The following CTNNA2 variants were observed in gnomAD, a reference collection of about 807,000 sequenced individuals.
The protein encoded by CTNNA2 is catenin alpha-2.
Under a neutral mutation model 101.0 loss-of-function variants are expected in CTNNA2, and 42 were observed. The observed-to-expected ratio is 0.42, with a 90% confidence interval of 0.32 to 0.54. The LOEUF (loss-of-function observed/expected upper bound fraction) is 0.54. CTNNA2 is among the 20% of genes least tolerant of loss of function. The pLI, the probability that CTNNA2 is intolerant of heterozygous loss-of-function variation, is 0.14. For missense variants in CTNNA2, 871 were observed against 1,223.1 expected, an observed-to-expected ratio of 0.71 and a Z score of 4.29; for synonymous variants, 450 against 456.4, an observed-to-expected ratio of 0.99 and a Z score of 0.18.
At chr2:80,175,463 T>G (rs1411581237) in intron 7 of CTNNA2, among the ~76,000 whole-genome samples, 1 of 152,190 alleles carries the variant, frequency 6.6e-6, no homozygotes, top group Non-Finnish European at 1.5e-5. Context: ...AATCTAAATA[T>G]TGGAATTCAT....
At chr2:80,335,627 TTGGCACCAGA>T (rs1440766249) in intron 7 of CTNNA2, among the ~76,000 whole-genome samples, 1 of 152,156 alleles carries the variant, frequency 6.6e-6, no homozygotes, top group African/African-American at 2.4e-5. Flanking sequence ...GCATCAGTAC[TTGGCACCAGA>T]TGAGAAGTTT....
intron 2 of CTNNA2, among the ~76,000 whole-genome samples, chr2:79,693,422 A>G (rs1684451540): frequency 1.3e-5 from 2 of 152,008 alleles, no homozygotes; most frequent in South Asian, 4.1e-4. Context: ...CATTTGCTTC[A>G]TGACATACCT....
At chr2:79,659,389 T>C (rs932530619) in intron 2 of CTNNA2, among the ~76,000 whole-genome samples, 2 of 152,134 alleles carry the variant, frequency 1.3e-5, no homozygotes, top group Non-Finnish European at 2.9e-5. Context: ...TCATGGTTTA[T>C]TCATGATATT....
intron 3 of CTNNA2, among the ~76,000 whole-genome samples, chr2:79,775,756 T>C (rs1673916960): frequency 6.6e-6 from 1 of 152,330 alleles, no homozygotes; most frequent in Non-Finnish European, 1.5e-5. Flanking sequence ...TTGAGTTTTT[T>C]GGTAGGTGTT....
intron 7 of CTNNA2, among the ~76,000 whole-genome samples, chr2:79,954,017 G>C (rs562537685): frequency 2.6e-5 from 4 of 152,250 alleles, no homozygotes; most frequent in South Asian, 2.1e-4. Flanking sequence ...AAAGGAAAGA[G>C]GTTTAGTTGA....
chr2:79,212,446 G>A (rs1043699635), intron 2 of CTNNA2, among the ~76,000 whole-genome samples: 9 of 152,164 alleles, frequency 5.9e-5, no homozygotes, highest in Non-Finnish European at 1.2e-4. Context: ...AAAGAAAGAG[G>A]TAAAAGTATT....
chr2:79,835,776 G>T (rs569368337), intron 3 of CTNNA2, among the ~76,000 whole-genome samples: 1 of 136,834 alleles, frequency 7.3e-6, no homozygotes, highest in East Asian at 2.5e-4. Context: ...GGGACTACAG[G>T]CATGTGCCAC....
intron 15 of CTNNA2, among the ~76,000 whole-genome samples, chr2:80,591,104 T>C (rs1384499061): frequency 6.6e-6 from 1 of 152,172 alleles, no homozygotes; most frequent in Admixed American, 6.5e-5. Context: ...TATAATTCTC[T>C]AGATTATATA....
intron 3 of CTNNA2, among the ~76,000 whole-genome samples, chr2:79,830,647 C>T (rs767825821): frequency 7.2e-5 from 11 of 152,118 alleles, no homozygotes; most frequent in Non-Finnish European, 1.3e-4. Context: ...TATGGCTTCT[C>T]GCCTGAGGTG....
chr2:79,385,837 T>G (rs1678094235), intron 4 of CTNNA2, among the ~76,000 whole-genome samples: 1 of 152,192 alleles, frequency 6.6e-6, no homozygotes, highest in Admixed American at 6.5e-5. Flanking sequence ...TCCAGCTTCA[T>G]CCATATCCCT....
intron 4 of CTNNA2, among the ~76,000 whole-genome samples, chr2:79,445,156 AT>A (rs1218173121): frequency 2.0e-5 from 3 of 152,090 alleles, no homozygotes; most frequent in African/African-American, 7.2e-5. Flanking sequence ...TTTTTGATAC[AT>A]TTTTTTCCTC....
chr2:79,930,005 G>A (rs1048376445), intron 7 of CTNNA2, among the ~76,000 whole-genome samples: 27 of 152,040 alleles, frequency 1.8e-4, no homozygotes, highest in African/African-American at 5.3e-4. Flanking sequence ...GAGAGGCTAA[G>A]GTGGACAGAT....
chr2:80,119,040 G>A (rs1276828324), intron 7 of CTNNA2, among the ~76,000 whole-genome samples: 3 of 152,226 alleles, frequency 2.0e-5, no homozygotes, highest in Admixed American at 1.3e-4. Flanking sequence ...TAGGATGGAA[G>A]CAATCAAATA....
chr2:80,384,618 AAG>A (rs1344436718), intron 7 of CTNNA2, among the ~76,000 whole-genome samples: 1 of 151,248 alleles, frequency 6.6e-6, no homozygotes, highest in African/African-American at 2.4e-5. Context: ...GTGTCATGGA[AAG>A]AGAGATTTGA....
chr2:80,553,357 T>C lies in CTNNA2; in HGVS notation c.1541-2336T>C, dbSNP rs912057478. Among the ~76,000 whole-genome samples the C allele has an allele frequency of 5.1e-4, 78 of 152,230 alleles. 1 individual carries two copies. The highest frequency in any genetic ancestry group is 1.3e-4 in the Admixed American group (2 of 15,284). On this transcript the variant is annotated intron_variant, in intron 11 of 18. Coordinates refer to ENST00000402739, the MANE Select transcript of CTNNA2 (RefSeq NM_001282597.3). ...TTTGAGTAATTAATAGCAATGTTTT[T>C]GTTATGGATTTCTAGCCTGTGCTGG...
At chr2:80,040,299 A>G (rs935834756) in intron 7 of CTNNA2, among the ~76,000 whole-genome samples, 2 of 152,194 alleles carry the variant, frequency 1.3e-5, no homozygotes, top group Admixed American at 1.3e-4. Context: ...ATTTTCCTGA[A>G]GTATTTTTTC....
chr2:79,365,526 T>C (rs1677726706), intron 3 of CTNNA2, among the ~76,000 whole-genome samples: 1 of 150,610 alleles, frequency 6.6e-6, no homozygotes, highest in South Asian at 2.1e-4. Context: ...CTCAGGAGTC[T>C]GAGGCAGGAG....
At chr2:79,728,148 A>G (rs1169648905) in intron 2 of CTNNA2, among the ~76,000 whole-genome samples, 3 of 152,234 alleles carry the variant, frequency 2.0e-5, no homozygotes, top group Non-Finnish European at 2.9e-5. Flanking sequence ...CTGAGGAATC[A>G]CCACACTGAC....
Position 80,440,147 on chromosome 2 carries a change from C to T in CTNNA2, c.1290+20546C>T, listed in dbSNP as rs112521204. On this transcript the variant is annotated intron_variant, in intron 9 of 18. Coordinates refer to ENST00000402739, the MANE Select transcript of CTNNA2 (RefSeq NM_001282597.3). ...TTATATTGAGAAAGTAGCATTTAAG[C>T]AAAGTCTGGAAAGGATTGATTTTGG... 3.3e-3 allele frequency among the ~76,000 whole-genome samples: 500 copies of T among 152,230 alleles called. 1 individual carries two copies. Among genetic ancestry groups the T allele is most frequent in the African/African-American group, 0.012 (488 of 41,538 alleles).
Sources: allele counts gnomAD v4.1 joint callset (sites outside exome capture counted in the v4.1 genomes callset), GRCh38; gene constraint gnomAD v4.1.1; transcripts MANE v1.5; gene names NCBI Gene and HGNC (gene_info 2026-07-23, HGNC 2026-07-21).